IL1RL2: variants seen among roughly 807,000 people sequenced by gnomAD.
The protein encoded by IL1RL2 is interleukin 1 receptor like 2.
In IL1RL2, 68 loss-of-function variants were observed where a neutral mutation model predicts 66.8. The observed-to-expected ratio is 1.02, with a 90% CI of 0.84 to 1.25. The LOEUF (loss-of-function observed/expected upper bound fraction) is 1.25. Ranked by LOEUF, IL1RL2 falls within the 50% of genes most tolerant of loss-of-function variation. The pLI is 0.00. For missense variants in IL1RL2, 729 were observed against 709.3 expected (o/e 1.03, Z -0.32); for synonymous variants, 305 against 264.6 (o/e 1.15, Z -1.48).
intron 9 of IL1RL2, among the ~76,000 whole-genome samples, chr2:102,232,007 G>T (rs1448737579): frequency 6.6e-6 from 1 of 151,928 alleles, no homozygotes; most frequent in Non-Finnish European, 1.5e-5. Context: ...CTTTTTGTTT[G>T]TTTATTTTAG....
downstream of IL1RL2, among the ~76,000 whole-genome samples, chr2:102,241,183 G>C (rs1675222089): frequency 6.6e-6 from 1 of 152,176 alleles, no homozygotes; most frequent in Admixed American, 6.5e-5. Context: ...CTTCTTTTTC[G>C]GCTGCTGAGA....
intron 4 of IL1RL2, among the ~76,000 whole-genome samples, chr2:102,200,403 G>A (rs1457394581): frequency 6.6e-6 from 1 of 152,216 alleles, no homozygotes; most frequent in Non-Finnish European, 1.5e-5. Flanking sequence ...TTCCAGGGGT[G>A]GAGAATGAAG....
At position 102,212,027 on chromosome 2, in the gene IL1RL2, C is replaced by T. The variant is rs1689213628; in HGVS notation, c.650-73C>T. The T allele has an allele frequency of 6.7e-6, 7 of 1,043,846 alleles. No individual in the cohort carries two copies. In the Middle Eastern group the frequency reaches 6.0e-4, roughly 90 times the overall value. The allele number at this position is 1,043,846 out of a possible 1,614,324, so 64.7% of individuals were successfully genotyped here. On this transcript the variant is annotated intron_variant, in intron 5 of 11. Coordinates refer to ENST00000264257, the MANE Select transcript of IL1RL2 (RefSeq NM_003854.4). Reference sequence around the variant, plus strand: ...ATGGTCTGCTCTGTTGGGCTTCATGCTATTACATCAAAGTACTTGGGAATG... The same window carrying T: ...ATGGTCTGCTCTGTTGGGCTTCATGTTATTACATCAAAGTACTTGGGAATG...
chr2:102,218,080 TAACA>T (rs780308860), intron 6 of IL1RL2, among the ~76,000 whole-genome samples: 21 of 152,036 alleles, frequency 1.4e-4, no homozygotes, highest in South Asian at 2.1e-4. Context: ...AACAGCTGAA[TAACA>T]AACAAACAAA....
intron 11 of IL1RL2, 23 bp downstream of exon 11, chr2:102,235,300 G>C: frequency 6.2e-7 from 1 of 1,603,662 alleles, no homozygotes; most frequent in Non-Finnish European, 8.5e-7. Context: ...GAGGACACGA[G>C]GTTTGTCACG....
chr2:102,202,629 T>C (rs1470697158), intron 5 of IL1RL2, among the ~76,000 whole-genome samples: 1 of 152,172 alleles, frequency 6.6e-6, no homozygotes, highest in Non-Finnish European at 1.5e-5. Context: ...AATGATGATA[T>C]GGTTTTATGT....
chr2:102,211,486 C>A (rs1278987468), intron 5 of IL1RL2, among the ~76,000 whole-genome samples: 1 of 152,184 alleles, frequency 6.6e-6, no homozygotes, highest in Non-Finnish European at 1.5e-5. Context: ...GATGAACCCT[C>A]ACAGATCCCT....
intron 11 of IL1RL2, chr2:102,235,600 G>T: frequency 1.0e-6 from 1 of 985,428 alleles, no homozygotes; most frequent in Non-Finnish European, 1.2e-6. Context: ...AGAAATGGCA[G>T]TGGACATGCC....
At position 102,228,902 on chromosome 2, in the gene IL1RL2, A is replaced by G. The variant is rs557721889; in HGVS notation, c.1135+2861A>G. Among the ~76,000 whole-genome samples, 7 of 152,304 alleles carry G rather than the reference A, an allele frequency of 4.6e-5. No individual in the cohort carries two copies. In the East Asian group the frequency reaches 1.4e-3, roughly 29 times the overall value. The stretch of plus-strand genomic sequence containing the variant: ...TTTTTTTCCCCCACAGGGAGTCCTC[A>G]TTTCAAAAGGGCATGGTGTAGGGAA... On this transcript the variant is annotated intron_variant, in intron 9 of 11. Coordinates refer to ENST00000264257, the MANE Select transcript of IL1RL2 (RefSeq NM_003854.4).
chr2:102,218,169 A>T (rs1689772695), intron 6 of IL1RL2, among the ~76,000 whole-genome samples: 1 of 152,190 alleles, frequency 6.6e-6, no homozygotes, highest in Admixed American at 6.5e-5. Flanking sequence ...GGATTCAGAC[A>T]ATATCCTGTT....
intron 4 of IL1RL2, among the ~76,000 whole-genome samples, chr2:102,195,609 C>CTTTCTT (rs1559530047): frequency 6.7e-4 from 12 of 17,944 alleles, no homozygotes; most frequent in African/African-American, 1.8e-3. Context: ...TTCTTTCTTT[C>CTTTCTT]TTTCTTTCTT....
chr2:102,225,788 C>A, intron 8 of IL1RL2, 110 bp from the exon 9 acceptor site: 2 of 827,042 alleles, frequency 2.4e-6, no homozygotes, highest in Non-Finnish European at 3.3e-6. Flanking sequence ...ACATCCAAAA[C>A]CTTTCCATTT....
Position 102,201,685 on chromosome 2 carries a change from G to C in IL1RL2, c.619G>C (p.Glu207Gln), listed in dbSNP as rs553419509. 1 of 1,614,042 alleles carries C rather than the reference G, an allele frequency of 6.2e-7. No individual in the cohort carries two copies. Among genetic ancestry groups the C allele is most frequent in the South Asian group, 1.1e-5 (1 of 91,070 alleles). Reference protein sequence around the residue: ...AILTHSGKQYEVLNGITVSIT... With the variant: ...AILTHSGKQYQVLNGITVSIT... ...ACTGACACACTCAGGGAAGCAGTAC[G>C]AGGTTTTAAATGGCATCACTGTGAG... Residue 207 changes from glutamate to glutamine, a missense_variant, in exon 5 of 12, where the codon GAG becomes CAG. Transcript: ENST00000264257.
At chr2:102,226,723 C>T (rs892181731) in intron 9 of IL1RL2, among the ~76,000 whole-genome samples, 4 of 148,664 alleles carry the variant, frequency 2.7e-5, no homozygotes, top group African/African-American at 5.0e-5. Context: ...AAGGGAGTTT[C>T]GTAGAAAAGA....
At chr2:102,220,515 A>G (rs1430045008) in intron 8 of IL1RL2, among the ~76,000 whole-genome samples, 1 of 152,254 alleles carries the variant, frequency 6.6e-6, no homozygotes, top group East Asian at 1.9e-4. Flanking sequence ...TTGATTATGC[A>G]TTGGAAGTAA....
At chr2:102,242,656 T>A (rs2104919849), downstream of IL1RL2, among the ~76,000 whole-genome samples, 1 of 152,274 alleles carries the variant, frequency 6.6e-6, no homozygotes, top group South Asian at 2.1e-4. Context: ...GGGATTTGGA[T>A]GATGCCCACC....
Position 102,234,949 on chromosome 2 carries a change from C to T in IL1RL2, c.1350C>T (p.Val450=). 2 of 1,614,188 alleles carry T rather than the reference C, an allele frequency of 1.2e-6. No homozygotes were observed. The highest frequency in any genetic ancestry group is 1.7e-6 in the Non-Finnish European group (2 of 1,180,042). The part of the protein sequence containing the change: ...ENVKLCRRLI[V]IVVPESLGFG... ...TTAAGCTGTGCAGGAGGCTGATTGTCATTGTGGTCCCCGAATCGCTGGGCT... is the reference window on the plus strand; with the variant it reads ...TTAAGCTGTGCAGGAGGCTGATTGTTATTGTGGTCCCCGAATCGCTGGGCT... Residue 450 remains valine, a synonymous_variant, in exon 11 of 12, where the codon GTC becomes GTT. Coordinates refer to ENST00000264257, the MANE Select transcript of IL1RL2 (RefSeq NM_003854.4).
intron 5 of IL1RL2, among the ~76,000 whole-genome samples, chr2:102,208,321 A>T (rs1224809332): frequency 1.3e-5 from 2 of 152,188 alleles, no homozygotes; most frequent in Non-Finnish European, 2.9e-5. Flanking sequence ...TTCTCTCCCC[A>T]AGCTATACAT....
intron 4 of IL1RL2, among the ~76,000 whole-genome samples, chr2:102,193,980 G>A (rs774824092): frequency 2.1e-4 from 32 of 151,626 alleles, no homozygotes; most frequent in Non-Finnish European, 4.3e-4. Flanking sequence ...GAAGTATAAC[G>A]TATACATATA....
Sources: gnomAD v4.1 joint callset for allele counts (sites outside exome capture counted in the v4.1 genomes callset) on GRCh38, gnomAD v4.1.1 for gene constraint, MANE v1.5 for transcripts, NCBI Gene and HGNC (gene_info 2026-07-23, HGNC 2026-07-21) for gene names.